The following FAM13C variants were observed in gnomAD, a reference collection of about 807,000 sequenced individuals.
FAM13C encodes the protein protein FAM13C.
A neutral mutation model predicts 73.2 loss-of-function variants in FAM13C; 37 were observed. The observed-to-expected ratio is 0.51, with a 90% confidence interval of 0.39 to 0.67. FAM13C has a LOEUF of 0.67. Among genes scored for constraint, FAM13C ranks in the 30% least tolerant of loss-of-function variants. The pLI is 0.00. For synonymous variants in FAM13C, 246 were observed against 260.9 expected (o/e 0.94, Z 0.55); for missense variants, 589 against 715.6 (o/e 0.82, Z 2.02).
chr10:59,277,278 G>T (rs1169321680), intron 6 of FAM13C, among the ~76,000 whole-genome samples: 1 of 152,148 alleles, frequency 6.6e-6, no homozygotes, highest in Admixed American at 6.5e-5. Flanking sequence ...TGCATCTCTA[G>T]GAAGGGTTTG....
intron 6 of FAM13C, among the ~76,000 whole-genome samples, chr10:59,279,129 C>G (rs1238356732): frequency 1.3e-5 from 2 of 152,226 alleles, no homozygotes; most frequent in Non-Finnish European, 2.9e-5. Context: ...ATTACTGAAC[C>G]TTCTTGCACT....
At chr10:59,260,653 T>C (rs1471782691) in intron 10 of FAM13C, among the ~76,000 whole-genome samples, 1 of 152,166 alleles carries the variant, frequency 6.6e-6, no homozygotes, top group Admixed American at 6.6e-5. Context: ...TTTCTTTTTA[T>C]TGAGTTGTTT....
At chr10:59,355,779 G>T in intron 2 of FAM13C, 108 bp downstream of exon 2, 1 of 1,163,822 alleles carries the variant, frequency 8.6e-7, no homozygotes, top group Non-Finnish European at 1.3e-6. Flanking sequence ...TGAGACATGA[G>T]AACAAATAAT....
Position 59,290,867 on chromosome 10 carries a change from G to C in FAM13C, c.508-7420C>G, listed in dbSNP as rs7074065. Among the ~76,000 whole-genome samples the C allele has an allele frequency of 2.9e-3, 436 of 152,178 alleles. 1 individual carries two copies. Among genetic ancestry groups the C allele is most frequent in the African/African-American group, 6.2e-3 (258 of 41,482 alleles). ...TGGGTCCTTTAGCCAGTATTTGCAG[G>C]GGGGGCAGGGGTCTCTGAGTATCCA... On this transcript the variant is annotated intron_variant, in intron 5 of 13. Transcript: ENST00000618804.
chr10:59,318,341 C>T (rs1167067453), intron 4 of FAM13C, among the ~76,000 whole-genome samples: 2 of 151,990 alleles, frequency 1.3e-5, no homozygotes, highest in African/African-American at 4.8e-5. Context: ...TTTCAATCAG[C>T]AGTTCACGGA....
chr10:59,269,617 A>T (rs1719299659), intron 7 of FAM13C, among the ~76,000 whole-genome samples: 1 of 152,216 alleles, frequency 6.6e-6, no homozygotes, highest in Admixed American at 6.5e-5. Flanking sequence ...ATGTGCATGT[A>T]CATATACTTA....
intron 10 of FAM13C, among the ~76,000 whole-genome samples, chr10:59,258,551 A>G (rs1842164445): frequency 6.6e-6 from 1 of 152,182 alleles, no homozygotes; most frequent in South Asian, 2.1e-4. Context: ...AGAAACTCCA[A>G]AAAAGACACA....
intron 4 of FAM13C, among the ~76,000 whole-genome samples, chr10:59,304,337 C>T (rs1847956408): frequency 6.6e-6 from 1 of 152,204 alleles, no homozygotes; most frequent in African/African-American, 2.4e-5. Context: ...AGTTCTTTTG[C>T]TATGCATATG....
At position 59,262,533 on chromosome 10, in the gene FAM13C, C is replaced by G. The variant is rs113016699; in HGVS notation, c.1137G>C (p.Ala379=). The G allele has an allele frequency of 6.2e-7, 1 of 1,613,748 alleles. No individual in the cohort carries two copies. The highest frequency in any genetic ancestry group is 8.5e-7 in the Non-Finnish European group (1 of 1,179,788). Residue 379 remains alanine (A), a synonymous_variant, in exon 10 of 14, where the codon GCG becomes GCC. Transcript: ENST00000618804. The part of the protein sequence containing the change: ...VPRENGKPEA[A]GPEPSSSGEE... ...CTCCAGAGGAGCTTGGCTCCGGGCCCGCAGCTTCCGGTTTCCCATTTTCTC... is the reference window on the plus strand; with the variant it reads ...CTCCAGAGGAGCTTGGCTCCGGGCCGGCAGCTTCCGGTTTCCCATTTTCTC...
Position 59,355,946 on chromosome 10 carries a change from G to A in FAM13C, c.63-3C>T, listed in dbSNP as rs1589734155. ...GAGAGACTGGATCTTCGTCACACCTGGAAGAGTGGGAAGAAAAATCACATC... is the reference window on the plus strand; with the variant it reads ...GAGAGACTGGATCTTCGTCACACCTAGAAGAGTGGGAAGAAAAATCACATC... On this transcript the variant is annotated splice_region_variant and splice_polypyrimidine_tract_variant and intron_variant, in intron 1 of 13. Coordinates refer to ENST00000618804, the MANE Select transcript of FAM13C (RefSeq NM_198215.4). 1.2e-6 allele frequency: 2 copies of A among 1,613,590 alleles called. No individual in the cohort carries two copies. The highest frequency in any genetic ancestry group is 1.7e-6 in the Non-Finnish European group (2 of 1,179,590).
intron 1 of FAM13C, among the ~76,000 whole-genome samples, chr10:59,359,315 A>G (rs1856106117): frequency 6.6e-6 from 1 of 152,246 alleles, no homozygotes; most frequent in Non-Finnish European, 1.5e-5. Context: ...TCTTCAGTCT[A>G]TATGCCAGAG....
chr10:59,258,038 G>A (rs1003095594), intron 10 of FAM13C, among the ~76,000 whole-genome samples: 1 of 152,084 alleles, frequency 6.6e-6, no homozygotes, highest in African/African-American at 2.4e-5. Flanking sequence ...AAAAAAGAAT[G>A]CCACAGTGCT....
At chr10:59,286,094 G>A (rs2133718892) in intron 5 of FAM13C, among the ~76,000 whole-genome samples, 1 of 152,294 alleles carries the variant, frequency 6.6e-6, no homozygotes, top group African/African-American at 2.4e-5. Context: ...TCAAAAGGAA[G>A]GAATTCTGAC....
At chr10:59,292,535 C>T (rs549114860) in intron 5 of FAM13C, among the ~76,000 whole-genome samples, 1 of 152,326 alleles carries the variant, frequency 6.6e-6, no homozygotes, top group South Asian at 2.1e-4. Flanking sequence ...ACTACCTTAA[C>T]TCCTTCGTTT....
intron 4 of FAM13C, among the ~76,000 whole-genome samples, chr10:59,313,956 G>A (rs1029360315): frequency 3.3e-5 from 5 of 152,124 alleles, no homozygotes; most frequent in Non-Finnish European, 5.9e-5. Context: ...GCTGAAAACT[G>A]CACAGTCAAA....
At position 59,247,783 on chromosome 10, in the gene FAM13C, T is replaced by C. The variant is rs201158706; in HGVS notation, c.1635-46A>G. 81 of 1,565,124 alleles carry C rather than the reference T, an allele frequency of 5.2e-5. No individual in the cohort carries two copies. In the African/African-American group the frequency reaches 1.0e-3, roughly 20 times the overall value. On this transcript the variant is annotated intron_variant, in intron 13 of 13. Coordinates refer to ENST00000618804, the MANE Select transcript of FAM13C (RefSeq NM_198215.4). The stretch of plus-strand genomic sequence containing the variant: ...TGTTAGTTCACAATGAATCAAGTCA[T>C]TATTTAAACATTCTTTTATAATTCA...
chr10:59,332,692 A>G (rs1193026155), intron 3 of FAM13C, among the ~76,000 whole-genome samples: 1 of 152,242 alleles, frequency 6.6e-6, no homozygotes, highest in Non-Finnish European at 1.5e-5. Flanking sequence ...AGGGAATACA[A>G]TTTTCAAAAG....
intron 10 of FAM13C, among the ~76,000 whole-genome samples, chr10:59,256,795 A>G (rs751070543): frequency 1.3e-5 from 2 of 152,124 alleles, no homozygotes; most frequent in African/African-American, 2.4e-5. Flanking sequence ...GGATACCCCA[A>G]ATCTAAGGGG....
intron 5 of FAM13C, among the ~76,000 whole-genome samples, chr10:59,289,068 C>G (rs2133752638): frequency 6.6e-6 from 1 of 152,340 alleles, no homozygotes; most frequent in South Asian, 2.1e-4. Flanking sequence ...TTTCCATGGA[C>G]TGGGGCACGG....
Sources: allele counts gnomAD v4.1 joint callset (sites outside exome capture counted in the v4.1 genomes callset), GRCh38; gene constraint gnomAD v4.1.1; transcripts MANE v1.5; gene names NCBI Gene and HGNC (gene_info 2026-07-23, HGNC 2026-07-21).